The following TTC29 variants were observed in gnomAD, a reference collection of about 807,000 sequenced individuals.
TTC29 encodes tetratricopeptide repeat domain 29, also known as tetratricopeptide repeat protein 29.
In TTC29, 49 loss-of-function variants were observed where a neutral mutation model predicts 58.1. The ratio of observed to expected loss-of-function variants is 0.84; its 90% CI spans 0.67 to 1.07. The LOEUF (loss-of-function observed/expected upper bound fraction) is 1.07. TTC29 is among the 50% of genes least tolerant of loss of function. The probability of loss-of-function intolerance (pLI) is 0.00; values close to 1 mark genes in which losing one functional copy is unlikely to be tolerated. For missense variants in TTC29, 582 were observed against 555.6 expected (o/e 1.05, Z -0.48); for synonymous variants, 209 against 196.8 (o/e 1.06, Z -0.52).
chr4:146,878,792 C>A (rs1731435905), intron 6 of TTC29, among the ~76,000 whole-genome samples: 1 of 152,086 alleles, frequency 6.6e-6, no homozygotes, highest in Admixed American at 6.6e-5. Flanking sequence ...GATGTGAGCC[C>A]CTAATGTGTT....
chr4:146,888,735 T>C (rs148460262), intron 6 of TTC29, among the ~76,000 whole-genome samples: 40 of 152,284 alleles, frequency 2.6e-4, no homozygotes, highest in African/African-American at 8.7e-4. Context: ...TCCCCCTAAT[T>C]AGTAAATAAT....
intron 6 of TTC29, among the ~76,000 whole-genome samples, chr4:146,893,081 A>G (rs189956718): frequency 4.5e-4 from 68 of 152,358 alleles, no homozygotes; most frequent in Admixed American, 4.2e-3. Flanking sequence ...GGAAGAATCA[A>G]TATCGTGAAA....
At chr4:146,927,313 T>C (rs1204066058) in intron 4 of TTC29, among the ~76,000 whole-genome samples, 2 of 152,156 alleles carry the variant, frequency 1.3e-5, no homozygotes, top group Non-Finnish European at 2.9e-5. Flanking sequence ...TTCCCCAAAG[T>C]CAACCATTTA....
At chr4:146,808,854 T>C (rs1358450075) in intron 10 of TTC29, among the ~76,000 whole-genome samples, 5 of 152,110 alleles carry the variant, frequency 3.3e-5, no homozygotes, top group Admixed American at 6.6e-5. Flanking sequence ...GAAGCTACCA[T>C]TGACTTTCTT....
intron 11 of TTC29, among the ~76,000 whole-genome samples, chr4:146,763,436 T>C (rs762071012): frequency 3.9e-5 from 6 of 152,052 alleles, no homozygotes; most frequent in Non-Finnish European, 7.4e-5. Flanking sequence ...GTTATAGATC[T>C]CAGGCCTCCC....
intron 11 of TTC29, among the ~76,000 whole-genome samples, chr4:146,797,813 G>A (rs1245158054): frequency 1.4e-5 from 2 of 139,110 alleles, no homozygotes; most frequent in Non-Finnish European, 3.0e-5. Flanking sequence ...TAAAACAACT[G>A]GCCACTGATT....
At chr4:146,723,087 A>C (rs547151887) in intron 11 of TTC29, among the ~76,000 whole-genome samples, 2 of 152,256 alleles carry the variant, frequency 1.3e-5, no homozygotes, top group Admixed American at 1.3e-4. Context: ...TTTCTACTAA[A>C]AGTACAAAAA....
intron 4 of TTC29, among the ~76,000 whole-genome samples, chr4:146,921,824 T>C (rs1409598354): frequency 6.6e-6 from 1 of 150,926 alleles, no homozygotes; most frequent in Non-Finnish European, 1.5e-5. Flanking sequence ...TTTATATAAT[T>C]ATCTATCAAA....
intron 11 of TTC29, among the ~76,000 whole-genome samples, chr4:146,785,111 G>C (rs545783763): frequency 2.0e-5 from 3 of 152,030 alleles, no homozygotes; most frequent in Admixed American, 2.0e-4. Context: ...CTGTGTGTGT[G>C]TGTGTACACA....
At chr4:146,720,248 A>G (rs1473216857) in intron 11 of TTC29, among the ~76,000 whole-genome samples, 1 of 152,178 alleles carries the variant, frequency 6.6e-6, no homozygotes, top group Non-Finnish European at 1.5e-5. Context: ...ATACTAATGT[A>G]CAAACTAAGC....
chr4:146,849,194 T>C lies in TTC29; in HGVS notation c.886-15297A>G, dbSNP rs894612802. On this transcript the variant is annotated intron_variant, in intron 8 of 12. Transcript: ENST00000325106. ...ACATGTGCAGGGTGTCTTATATCCA[T>C]AGTGCATTCAATCTTCACAGAACCT... is the stretch of plus-strand genomic sequence containing the variant. 5.3e-5 allele frequency among the ~76,000 whole-genome samples: 8 copies of C among 151,626 alleles called. No homozygotes were observed. The South Asian group carries it at 1.0e-3, about 20-fold the overall frequency.
At chr4:146,751,279 AC>A (rs1339410080) in intron 11 of TTC29, among the ~76,000 whole-genome samples, 1 of 152,214 alleles carries the variant, frequency 6.6e-6, no homozygotes, top group African/African-American at 2.4e-5. Flanking sequence ...AGATTTCAAT[AC>A]CCCACTTTAA....
intron 11 of TTC29, among the ~76,000 whole-genome samples, chr4:146,769,787 C>T (rs1747593889): frequency 6.6e-6 from 1 of 152,054 alleles, no homozygotes; most frequent in Non-Finnish European, 1.5e-5. Flanking sequence ...GGAACTTGAA[C>T]AGCTTCAGTT....
intron 11 of TTC29, among the ~76,000 whole-genome samples, chr4:146,800,425 A>T (rs1330795806): frequency 1.3e-5 from 2 of 152,178 alleles, no homozygotes; most frequent in Non-Finnish European, 2.9e-5. Context: ...CAGATCTTTG[A>T]TCTGTTTTTT....
At chr4:146,754,170 G>C (rs1211332970) in intron 11 of TTC29, among the ~76,000 whole-genome samples, 1 of 151,272 alleles carries the variant, frequency 6.6e-6, no homozygotes, top group Non-Finnish European at 1.5e-5. Flanking sequence ...AGATGCCTCA[G>C]AAATAAAAAG....
At chr4:146,795,373 TG>T (rs896289361) in intron 11 of TTC29, among the ~76,000 whole-genome samples, 2 of 152,108 alleles carry the variant, frequency 1.3e-5, no homozygotes, top group African/African-American at 2.4e-5. Context: ...TTTCCTATAC[TG>T]GGCCCACTGA....
rs568964543 is a variant in TTC29 at position 146,771,143 on chromosome 4, G to C, written c.1330+32314C>G. Among the ~76,000 whole-genome samples, 5 of 152,180 alleles carry C rather than the reference G, an allele frequency of 3.3e-5. No individual in the cohort carries two copies. The South Asian group carries it at 1.0e-3, about 32-fold the overall frequency. Reference sequence around the variant, plus strand: ...GTAAGACCTCACAGGCACATTATATGAATATGCCCAGAAGCAGAGAGCTAA... The same window carrying C: ...GTAAGACCTCACAGGCACATTATATCAATATGCCCAGAAGCAGAGAGCTAA... On this transcript the variant is annotated intron_variant, in intron 11 of 12. Coordinates refer to ENST00000325106, the MANE Select transcript of TTC29 (RefSeq NM_031956.4).
intron 6 of TTC29, among the ~76,000 whole-genome samples, chr4:146,884,914 AT>A (rs1731878091): frequency 1.3e-5 from 2 of 152,200 alleles, no homozygotes; most frequent in Admixed American, 1.3e-4. Context: ...ATTGTTAAAA[AT>A]TTTTTAATAT....
At chr4:146,861,421 C>T (rs963566923) in intron 8 of TTC29, among the ~76,000 whole-genome samples, 2 of 152,114 alleles carry the variant, frequency 1.3e-5, no homozygotes, top group Admixed American at 1.3e-4. Flanking sequence ...GCATTCTCCT[C>T]GTTAAATGTC....
Sources: allele counts gnomAD v4.1 joint callset (sites outside exome capture counted in the v4.1 genomes callset), GRCh38; gene constraint gnomAD v4.1.1; transcripts MANE v1.5; gene names NCBI Gene and HGNC (gene_info 2026-07-23, HGNC 2026-07-21).